KIRREL3: variants seen among roughly 807,000 people sequenced by gnomAD.
KIRREL3 encodes kirre like nephrin family adhesion molecule 3, also known as kin of IRRE-like protein 3.
In KIRREL3, 36 loss-of-function variants were observed where a neutral mutation model predicts 89.7. The observed-to-expected ratio is 0.40, with a 90% CI of 0.31 to 0.53. KIRREL3 has a LOEUF of 0.53. Among genes scored for constraint, KIRREL3 ranks in the 20% least tolerant of loss-of-function variants. KIRREL3 has a pLI of 0.49. For missense variants in KIRREL3, 864 were observed against 1,056.6 expected (o/e 0.82, Z 2.53); for synonymous variants, 445 against 441.4 (o/e 1.01, Z -0.10).
chr11:126,827,092 G>A (rs1943441870), intron 1 of KIRREL3, among the ~76,000 whole-genome samples: 1 of 151,990 alleles, frequency 6.6e-6, no homozygotes, highest in African/African-American at 2.4e-5. Context: ...CTTGGTATTT[G>A]GATAAGCTAT....
At chr11:126,695,670 G>A (rs894062825) in intron 1 of KIRREL3, among the ~76,000 whole-genome samples, 2 of 152,154 alleles carry the variant, frequency 1.3e-5, no homozygotes, top group East Asian at 3.9e-4. Context: ...ATCTGCCTGT[G>A]TCTGGCTGCC....
chr11:126,712,406 G>C (rs1215370784), intron 1 of KIRREL3, among the ~76,000 whole-genome samples: 2 of 152,208 alleles, frequency 1.3e-5, no homozygotes, highest in East Asian at 3.9e-4. Context: ...CCTCTGCCCC[G>C]TTGGTGCTGT....
chr11:126,959,134 C>T (rs1248440304), intron 1 of KIRREL3, among the ~76,000 whole-genome samples: 2 of 152,252 alleles, frequency 1.3e-5, no homozygotes, highest in Non-Finnish European at 2.9e-5. Context: ...CAGACTCTGG[C>T]TAGAACATTG....
At chr11:126,926,956 G>A (rs1381454794) in intron 1 of KIRREL3, among the ~76,000 whole-genome samples, 92 of 152,366 alleles carry the variant, frequency 6.0e-4, no homozygotes, top group Non-Finnish European at 8.8e-5. Flanking sequence ...CCTGAGCCAT[G>A]ACAGCAGCTC....
At position 126,614,301 on chromosome 11, in the gene KIRREL3, G is replaced by A. The variant is rs968342696; in HGVS notation, c.56-51389C>T. Reference sequence around the variant, plus strand: ...GCCTAGTAAAAGAGATACTAGATTGGAAGTCAGAAGCCAGGAGTTCTAATC... The same window carrying A: ...GCCTAGTAAAAGAGATACTAGATTGAAAGTCAGAAGCCAGGAGTTCTAATC... On this transcript the variant is annotated intron_variant, in intron 1 of 16. Transcript: ENST00000525144. This position sits in a 1 kb window ranked among gnomAD's most constrained non-coding sequence, Gnocchi z 4.6. Among the ~76,000 whole-genome samples, 3 of 152,056 alleles carry A rather than the reference G, an allele frequency of 2.0e-5. No homozygotes were observed. The highest frequency in any genetic ancestry group is 7.2e-5 in the African/African-American group (3 of 41,400).
chr11:126,767,978 G>A (rs1024828469), intron 1 of KIRREL3, among the ~76,000 whole-genome samples: 1 of 152,182 alleles, frequency 6.6e-6, no homozygotes, highest in Non-Finnish European at 1.5e-5. Flanking sequence ...CTACCATAGG[G>A]TGAAGTCCAA....
In KIRREL3 at chr11:126,908,191, G is replaced by T. The variant is rs752106958; in HGVS notation, c.55+92264C>A. Among the ~76,000 whole-genome samples, 4 of 152,134 alleles carry T rather than the reference G, an allele frequency of 2.6e-5. No individual in the cohort carries two copies. Among genetic ancestry groups the T allele is most frequent in the Non-Finnish European group, 5.9e-5 (4 of 68,044 alleles). On this transcript the variant is annotated intron_variant, in intron 1 of 16. Coordinates refer to ENST00000525144, the MANE Select transcript of KIRREL3 (RefSeq NM_032531.4). This position sits in a 1 kb window ranked among gnomAD's most constrained non-coding sequence, Gnocchi z 4.2. ...TTTACTGCCGTATTTTCAGTGCCTA[G>T]GCACATAATAGACCCTTGATAAATA...
At chr11:126,448,876 G>C in intron 8 of KIRREL3, 133 bp downstream of exon 8, 1 of 921,248 alleles carries the variant, frequency 1.1e-6, no homozygotes, top group Non-Finnish European at 1.5e-6. Flanking sequence ...CTTTCGTCGA[G>C]TGCAAACCAT....
At position 126,431,307 on chromosome 11, in the gene KIRREL3, C is replaced by G; in HGVS notation, c.1696+112G>C. ...CACTCCCTGCCCCAGGAGCTCACAG[C>G]ACTGTTAGGACCCCTGTTCATTGCA... On this transcript the variant is annotated intron_variant, in intron 14 of 16. Transcript: ENST00000525144. The surrounding 1 kb of genome is among the most constrained non-coding windows in gnomAD (Gnocchi z 7.1). The G allele has an allele frequency of 6.4e-7, 1 of 1,553,848 alleles. No homozygotes were observed. The highest frequency in any genetic ancestry group is 8.7e-7 in the Non-Finnish European group (1 of 1,148,356).
intron 1 of KIRREL3, among the ~76,000 whole-genome samples, chr11:126,580,658 A>AG (rs1350403782): frequency 2.0e-5 from 3 of 151,902 alleles, no homozygotes; most frequent in Non-Finnish European, 1.5e-5. Context: ...CTCCTGCAGG[A>AG]GGGGGCCTGG....
At chr11:126,434,178 TC>T (rs1417632393) in intron 13 of KIRREL3, among the ~76,000 whole-genome samples, 3 of 152,206 alleles carry the variant, frequency 2.0e-5, no homozygotes, top group African/African-American at 7.2e-5. Flanking sequence ...CACAGAGCCT[TC>T]CCTGCATGGC....
At chr11:126,793,523 G>A (rs1428436614) in intron 1 of KIRREL3, among the ~76,000 whole-genome samples, 1 of 152,136 alleles carries the variant, frequency 6.6e-6, no homozygotes, top group Non-Finnish European at 1.5e-5. Flanking sequence ...TCACTTGCAG[G>A]GAGTTCCTGC....
At chr11:126,738,551 G>A (rs3862645) in intron 1 of KIRREL3, among the ~76,000 whole-genome samples, 38,295 of 151,988 alleles carry the variant, frequency 0.25, 5,547 homozygotes, top group African/African-American at 0.39. Context: ...TTTCCCCCTA[G>A]GAGTGCAACA....
intron 1 of KIRREL3, among the ~76,000 whole-genome samples, chr11:126,775,760 G>T (rs1384145030): frequency 6.6e-6 from 1 of 152,210 alleles, no homozygotes; most frequent in East Asian, 1.9e-4. Flanking sequence ...CTTGGAGGTG[G>T]AAGTGCTGTT....
At chr11:126,984,859 C>T (rs1263040631) in intron 1 of KIRREL3, among the ~76,000 whole-genome samples, 2 of 152,158 alleles carry the variant, frequency 1.3e-5, no homozygotes, top group Non-Finnish European at 2.9e-5. Flanking sequence ...AGGGAGGAGA[C>T]CTGGAGGAGG....
intron 4 of KIRREL3, among the ~76,000 whole-genome samples, chr11:126,488,245 C>A (rs529895076): frequency 6.6e-6 from 1 of 152,194 alleles, no homozygotes; most frequent in Non-Finnish European, 1.5e-5. Context: ...TTGGGGCCAC[C>A]CAGGCCCCTG....
intron 11 of KIRREL3, 43 bp from the exon 12 acceptor site, chr11:126,437,052 G>T: frequency 1.4e-6 from 2 of 1,463,498 alleles, no homozygotes; most frequent in Non-Finnish European, 1.8e-6. Flanking sequence ...CACCAGAGGG[G>T]CCCAGGACAC....
At position 126,754,683 on chromosome 11, in the gene KIRREL3, G is replaced by T. The variant is rs866535850; in HGVS notation, c.56-191771C>A. Among the ~76,000 whole-genome samples, 2 of 152,208 alleles carry T rather than the reference G, an allele frequency of 1.3e-5. No individual in the cohort carries two copies. The highest frequency in any genetic ancestry group is 3.9e-4 in the East Asian group (2 of 5,180). ...GGCTGTGTTGTCTTCTTTCTGAGTT[G>T]TCTTCTCTCTTCTCCTTCTTAATAA... is the stretch of plus-strand genomic sequence containing the variant. On this transcript the variant is annotated intron_variant, in intron 1 of 16. Coordinates refer to ENST00000525144, the MANE Select transcript of KIRREL3 (RefSeq NM_032531.4). The surrounding 1 kb of genome is among the most constrained non-coding windows in gnomAD (Gnocchi z 5.1).
chr11:126,533,342 G>A (rs1472787794), intron 2 of KIRREL3, among the ~76,000 whole-genome samples: 1 of 152,020 alleles, frequency 6.6e-6, no homozygotes, highest in African/African-American at 2.4e-5. Flanking sequence ...TCTAGTCCTC[G>A]CCCCCAGGAA....
Sources: gnomAD v4.1 joint callset for allele counts (sites outside exome capture counted in the v4.1 genomes callset) on GRCh38, gnomAD v4.1.1 for gene constraint, Gnocchi (gnomAD v3.1) non-coding constraint, MANE v1.5 for transcripts, NCBI Gene and HGNC (gene_info 2026-07-23, HGNC 2026-07-21) for gene names.